The following CC2D2A variants were observed in gnomAD, a reference collection of about 807,000 sequenced individuals.
CC2D2A encodes the protein coiled-coil and C2 domain-containing protein 2A.
In CC2D2A, 155 loss-of-function variants were observed where a neutral mutation model predicts 212.9. The ratio of observed to expected loss-of-function variants is 0.73; its 90% CI spans 0.64 to 0.83. The LOEUF is 0.83. CC2D2A is among the 40% of genes least tolerant of loss of function. The probability of loss-of-function intolerance (pLI) is 0.00; values close to 1 mark genes in which losing one functional copy is unlikely to be tolerated. For missense variants in CC2D2A, 1,856 were observed against 1,956.2 expected (o/e 0.95, Z 0.97); for synonymous variants, 667 against 686.5 (o/e 0.97, Z 0.44).
intron 1 of CC2D2A, among the ~76,000 whole-genome samples, chr4:15,470,938 G>C (rs1713773015): frequency 6.6e-6 from 1 of 151,872 alleles, no homozygotes; most frequent in South Asian, 2.1e-4. Flanking sequence ...ACACTGAGAG[G>C]ACAGTGGGAT....
chr4:15,511,160 T>C (rs1716547746), intron 7 of CC2D2A, 87 bp from the exon 8 acceptor site: 1 of 1,400,326 alleles, frequency 7.1e-7, no homozygotes, highest in Middle Eastern at 1.8e-4. Flanking sequence ...CTGATCTCAT[T>C]AGCATTAAGC....
At chr4:15,531,044 A>G (rs1039201875) in intron 13 of CC2D2A, among the ~76,000 whole-genome samples, 1 of 152,196 alleles carries the variant, frequency 6.6e-6, no homozygotes, top group Non-Finnish European at 1.5e-5. Context: ...TCTTGAACAC[A>G]TAAAAATTCT....
At chr4:15,552,545 T>C (rs912283278) in intron 18 of CC2D2A, among the ~76,000 whole-genome samples, 1 of 152,224 alleles carries the variant, frequency 6.6e-6, no homozygotes, top group Non-Finnish European at 1.5e-5. Flanking sequence ...ATCTCTAACA[T>C]ACTAAGTATT....
chr4:15,536,954 T>G lies in CC2D2A; in HGVS notation c.1642T>G (p.Tyr548Asp), dbSNP rs1199997702. The G allele has an allele frequency of 9.9e-6, 16 of 1,613,694 alleles. No individual in the cohort carries two copies. Among genetic ancestry groups the G allele is most frequent in the Non-Finnish European group, 1.2e-5 (14 of 1,179,798 alleles). The change falls in exon 15 of 37, where the codon TAT (tyrosine) becomes GAT (aspartate). Residue 548 changes from tyrosine to aspartate, a missense_variant. This residue lies in a region of CC2D2A where 1,512 missense variants were observed against 1,579.3 expected (regional missense o/e 0.96). Coordinates refer to ENST00000424120, the MANE Select transcript of CC2D2A (RefSeq NM_001378615.1). Reference protein sequence around the residue: ...KADQKADEEAYEAEIQAEISE... With the variant: ...KADQKADEEADEAEIQAEISE... ...TGACCAGAAAGCAGATGAAGAAGCA[T>G]ATGAAGCAGAAATTCAAGCTGAAAT...
chr4:15,504,282 A>G (rs1716133050), intron 6 of CC2D2A, among the ~76,000 whole-genome samples: 1 of 152,140 alleles, frequency 6.6e-6, no homozygotes, highest in Admixed American at 6.5e-5. Flanking sequence ...CTTTATGACT[A>G]TTTGTTATGT....
intron 8 of CC2D2A, among the ~76,000 whole-genome samples, chr4:15,514,450 G>T (rs909666096): frequency 6.6e-6 from 1 of 152,132 alleles, no homozygotes; most frequent in African/African-American, 2.4e-5. Context: ...TGATTGTTTT[G>T]CTTACCACTT....
At chr4:15,599,451 C>A in intron 35 of CC2D2A, 78 bp from the exon 36 acceptor site, 1 of 863,032 alleles carries the variant, frequency 1.2e-6, no homozygotes, top group Non-Finnish European at 1.7e-6. Flanking sequence ...TCATCTGAAT[C>A]CCCACTACAT....
rs780411524 is a variant in CC2D2A, at chr4:15,533,179, A to G, written c.1467-14A>G. On this transcript the variant is annotated splice_polypyrimidine_tract_variant and intron_variant, in intron 13 of 36. Transcript: ENST00000424120. ...ACTTTTTAATATATACTCATGTGTT[A>G]TTATATCTTGCAGACAAACAAGAAA... 1.3e-6 allele frequency: 2 copies of G among 1,575,526 alleles called. No individual in the cohort carries two copies. Among genetic ancestry groups the G allele is most frequent in the South Asian group, 1.2e-5 (1 of 82,022 alleles).
In CC2D2A at chr4:15,540,873, C is replaced by G. The variant is rs747387967; in HGVS notation, c.2040C>G (p.Arg680=). The part of the protein sequence containing the change: ...EVSRREDVKK[R]SVYLKVLFNN... Reference sequence around the variant, plus strand: ...CGAGAAGGGAGGATGTAAAGAAGCGCTCAGTGTACTTAAAAGTGCTGTTCA... The same window carrying G: ...CGAGAAGGGAGGATGTAAAGAAGCGGTCAGTGTACTTAAAAGTGCTGTTCA... Residue 680 remains arginine, a synonymous_variant, in exon 17 of 37, where the codon CGC becomes CGG. Transcript: ENST00000424120. The G allele has an allele frequency of 6.3e-7, 1 of 1,599,614 alleles. No homozygotes were observed. Among genetic ancestry groups the G allele is most frequent in the Non-Finnish European group, 8.5e-7 (1 of 1,172,930 alleles).
rs754949387 is a variant in CC2D2A at position 15,479,296 on chromosome 4, G to C, written c.123+490G>C. 12 of 1,537,172 alleles carry C rather than the reference G, an allele frequency of 7.8e-6. No individual in the cohort carries two copies. The African/African-American group carries it at 1.6e-4, about 21-fold the overall frequency. On this transcript the variant is annotated intron_variant, in intron 3 of 36. Coordinates refer to ENST00000424120, the MANE Select transcript of CC2D2A (RefSeq NM_001378615.1). ...TCCGCAGGAGTTCCCCTCCTAGGCT[G>C]GGAGCATCCCGTGCAGGGTAAATCT...
chr4:15,531,590 C>T (rs1006770567), intron 13 of CC2D2A, among the ~76,000 whole-genome samples: 3 of 152,258 alleles, frequency 2.0e-5, no homozygotes, highest in East Asian at 1.9e-4. Flanking sequence ...CAGACCCCAT[C>T]GATATCAGAT....
intron 6 of CC2D2A, among the ~76,000 whole-genome samples, chr4:15,504,301 G>A (rs1233608032): frequency 6.6e-6 from 1 of 152,126 alleles, no homozygotes; most frequent in African/African-American, 2.4e-5. Context: ...GTGCCCTCAT[G>A]ATCCATTCCA....
intron 17 of CC2D2A, among the ~76,000 whole-genome samples, chr4:15,541,516 A>T (rs1270854019): frequency 2.6e-5 from 4 of 152,060 alleles, no homozygotes; most frequent in African/African-American, 9.7e-5. Context: ...ACCTACTGAA[A>T]ATGCTGGCAG....
intron 11 of CC2D2A, among the ~76,000 whole-genome samples, chr4:15,524,657 T>TAA (rs1560165143): frequency 4.0e-5 from 6 of 151,614 alleles, no homozygotes; most frequent in South Asian, 4.2e-4. Flanking sequence ...TTCACCGTGT[T>TAA]AGCCAGGATG....
In CC2D2A at chr4:15,527,580, C is replaced by A; in HGVS notation, c.1283C>A (p.Ala428Glu). ...TGTTTTAGCCGAGAGCATGTTTTGGCAGCCAAGCTGGCCCAGTTATATGAC... is the reference window on the plus strand; with the variant it reads ...TGTTTTAGCCGAGAGCATGTTTTGGAAGCCAAGCTGGCCCAGTTATATGAC... ...HPCFSREHVL[A>E]AKLAQLYDQY... Residue 428 changes from alanine (A) to glutamate (E), a missense_variant, in exon 12 of 37, where the codon GCA becomes GAA. Coordinates refer to ENST00000424120, the MANE Select transcript of CC2D2A (RefSeq NM_001378615.1). 1 of 1,613,302 alleles carries A rather than the reference C, an allele frequency of 6.2e-7. No homozygotes were observed.
intron 6 of CC2D2A, among the ~76,000 whole-genome samples, chr4:15,504,209 T>C (rs1035825904): frequency 6.6e-6 from 1 of 152,190 alleles, no homozygotes; most frequent in African/African-American, 2.4e-5. Flanking sequence ...TTATAAGGAA[T>C]GTGGCAGCCT....
chr4:15,516,449 A>C (rs1716877645), intron 10 of CC2D2A, among the ~76,000 whole-genome samples, 176 bp from the exon 11 acceptor site: 1 of 152,182 alleles, frequency 6.6e-6, no homozygotes, highest in African/African-American at 2.4e-5. Flanking sequence ...AATTGTGAGA[A>C]GTGTTAGTGA....
intron 36 of CC2D2A, 144 bp from the exon 37 acceptor site, chr4:15,601,093 T>C: frequency 1.4e-6 from 1 of 690,714 alleles, no homozygotes; most frequent in Non-Finnish European, 2.4e-6. Context: ...CGATTTTCTG[T>C]ATTGCTAATA....
At chr4:15,523,410 C>A (rs1359508905) in intron 11 of CC2D2A, among the ~76,000 whole-genome samples, 1 of 152,186 alleles carries the variant, frequency 6.6e-6, no homozygotes. Flanking sequence ...ACTGCATACC[C>A]ACTGGAGGAC....
Sources: gnomAD v4.1 joint callset for allele counts (sites outside exome capture counted in the v4.1 genomes callset) on GRCh38, gnomAD v4.1.1 for gene constraint, gnomAD v4.1.1 regional missense constraint, MANE v1.5 for transcripts, NCBI Gene and HGNC (gene_info 2026-07-23, HGNC 2026-07-21) for gene names.